DNAI1: variants seen among roughly 807,000 people sequenced by gnomAD.
DNAI1 encodes the protein dynein, axonemal, intermediate polypeptide 1.
A neutral mutation model predicts 92.0 loss-of-function variants in DNAI1; 67 were observed. The observed-to-expected ratio is 0.73, with a 90% CI of 0.60 to 0.89. The LOEUF is 0.89. DNAI1 is among the 40% of genes least tolerant of loss of function. The pLI, the probability that DNAI1 is intolerant of heterozygous loss-of-function variation, is 0.00. For synonymous variants in DNAI1, 323 were observed against 319.6 expected (o/e 1.01, Z -0.11); for missense variants, 839 against 866.6 (o/e 0.97, Z 0.40).
At chr9:34,473,419 A>G (rs1045232589) in intron 1 of DNAI1, among the ~76,000 whole-genome samples, 1 of 151,838 alleles carries the variant, frequency 6.6e-6, no homozygotes, top group African/African-American at 2.4e-5. Context: ...CAGCCTCCCG[A>G]GTGGCTGGGA....
intron 1 of DNAI1, among the ~76,000 whole-genome samples, chr9:34,469,915 T>G (rs975266688): frequency 9.9e-5 from 15 of 152,116 alleles, no homozygotes; most frequent in Non-Finnish European, 1.5e-4. Context: ...GATGACTGTT[T>G]AAAGCAAAAA....
At chr9:34,486,898 T>C (rs1371507482) in intron 4 of DNAI1, among the ~76,000 whole-genome samples, 1 of 152,258 alleles carries the variant, frequency 6.6e-6, no homozygotes, top group East Asian at 1.9e-4. Flanking sequence ...TGTGACTGGC[T>C]CGTCTCACTT....
rs749302505 is a variant in DNAI1, at chr9:34,490,397, T to A, written c.530T>A (p.Leu177Ter). 2.5e-6 allele frequency: 4 copies of A among 1,614,068 alleles called. No homozygotes were observed. In the African/African-American group the frequency reaches 5.3e-5, roughly 22 times the overall value. The change falls in exon 7 of 20, where the codon TTG (leucine) becomes TAG (stop). Residue 177 changes from leucine to a stop codon, truncating the protein, a stop_gained. Coordinates refer to ENST00000242317, the MANE Select transcript of DNAI1 (RefSeq NM_012144.4). LOFTEE classifies it high-confidence loss of function. ...GCTGAAAAAGTGACTGAAGAAGAAT[T>A]GATGACTCCTAAGCAGCCCAAGGAG... is the stretch of plus-strand genomic sequence containing the variant. ...GAAEKVTEEE[L>*]MTPKQPKERK...
intron 2 of DNAI1, 46 bp from the exon 3 acceptor site, chr9:34,485,096 C>A: frequency 6.3e-7 from 1 of 1,599,770 alleles, no homozygotes; most frequent in Non-Finnish European, 8.6e-7. Context: ...TATGCTTGTC[C>A]AAGCAGAAAA....
chr9:34,494,766 G>A (rs1316613573), intron 9 of DNAI1, among the ~76,000 whole-genome samples: 3 of 152,190 alleles, frequency 2.0e-5, no homozygotes, highest in Non-Finnish European at 4.4e-5. Flanking sequence ...GGTACAAGCA[G>A]ATTCCAGCCC....
intron 9 of DNAI1, among the ~76,000 whole-genome samples, chr9:34,493,685 G>A (rs1215744819): frequency 6.6e-6 from 1 of 152,116 alleles, no homozygotes; most frequent in Non-Finnish European, 1.5e-5. Context: ...ACTTCCCTCG[G>A]CAACGGCTTA....
intron 13 of DNAI1, among the ~76,000 whole-genome samples, chr9:34,510,713 C>T (rs1587088363): frequency 6.6e-6 from 1 of 152,272 alleles, no homozygotes; most frequent in East Asian, 1.9e-4. Context: ...GTGCTGGCGT[C>T]TGCTCATTAA....
At chr9:34,520,431 C>T (rs533180930) in intron 19 of DNAI1, among the ~76,000 whole-genome samples, 3 of 152,322 alleles carry the variant, frequency 2.0e-5, no homozygotes, top group East Asian at 3.9e-4. Context: ...ATCTGAGGTT[C>T]AAGCCAGAGC....
intron 10 of DNAI1, among the ~76,000 whole-genome samples, chr9:34,499,533 G>C (rs1824786217): frequency 6.6e-6 from 1 of 152,150 alleles, no homozygotes; most frequent in Admixed American, 6.5e-5. Context: ...ATTGTCTGGT[G>C]GGGGAGAACA....
chr9:34,516,011 A>G (rs1284262179), intron 18 of DNAI1, among the ~76,000 whole-genome samples: 3 of 152,238 alleles, frequency 2.0e-5, no homozygotes, highest in African/African-American at 4.8e-5. Context: ...AAAAGAAAAA[A>G]TAAAAGGACT....
chr9:34,460,311 T>C (rs553564881), intron 1 of DNAI1, among the ~76,000 whole-genome samples: 1 of 152,358 alleles, frequency 6.6e-6, no homozygotes, highest in African/African-American at 2.4e-5. Context: ...GGCTAATGTG[T>C]AGTTTCTAGC....
chr9:34,477,660 G>C (rs1824263627), intron 1 of DNAI1, among the ~76,000 whole-genome samples: 1 of 152,160 alleles, frequency 6.6e-6, no homozygotes, highest in Non-Finnish European at 1.5e-5. Flanking sequence ...CATAATGCTA[G>C]TGAGAGGGTG....
intron 1 of DNAI1, among the ~76,000 whole-genome samples, chr9:34,473,883 C>A (rs115274091): frequency 0.01 from 1,541 of 152,104 alleles, 26 homozygotes; most frequent in African/African-American, 0.035. Context: ...CCCCACTACA[C>A]CTGGCTAATT....
At chr9:34,490,617 A>T in intron 7 of DNAI1, 129 bp downstream of exon 7, 1 of 1,337,844 alleles carries the variant, frequency 7.5e-7, no homozygotes, top group South Asian at 1.2e-5. Context: ...GCTACAGCTT[A>T]TCTCCCCAAG....
intron 10 of DNAI1, 105 bp downstream of exon 10, chr9:34,497,304 C>G (rs548165069): frequency 5.1e-5 from 44 of 863,234 alleles, no homozygotes; most frequent in Non-Finnish European, 6.9e-5. Context: ...TAGGTGCAAG[C>G]GGAGAAAAAA....
intron 13 of DNAI1, among the ~76,000 whole-genome samples, chr9:34,508,865 T>G (rs3793470): frequency 0.029 from 4,476 of 152,328 alleles, 149 homozygotes; most frequent in East Asian, 0.12. Flanking sequence ...GGCTGCTGCC[T>G]TTGCAAAATG....
At chr9:34,514,614 G>A (rs1587092237) in intron 17 of DNAI1, 26 bp from the exon 18 acceptor site, 3 of 1,614,076 alleles carry the variant, frequency 1.9e-6, no homozygotes, top group Non-Finnish European at 2.5e-6. Flanking sequence ...TCTGTGCCAT[G>A]GGCTTTCCAC....
chr9:34,484,137 C>A (rs973727086), intron 2 of DNAI1, among the ~76,000 whole-genome samples: 1 of 152,172 alleles, frequency 6.6e-6, no homozygotes, highest in Non-Finnish European at 1.5e-5. Context: ...ATTGCTTGAA[C>A]CCAGAAGGTG....
Position 34,485,479 on chromosome 9 carries a change from C to T in DNAI1, c.223C>T (p.Pro75Ser). 2 of 1,614,138 alleles carry T rather than the reference C, an allele frequency of 1.2e-6. No homozygotes were observed. Among genetic ancestry groups the T allele is most frequent in the Non-Finnish European group, 1.7e-6 (2 of 1,180,028 alleles). The change falls in exon 4 of 20, where the codon CCA becomes TCA. Residue 75 changes from proline to serine, a missense_variant. Transcript: ENST00000242317. ...EFTRILTANN[P>S]HAPQNIVRYS... is the part of the protein sequence containing the mutation. ...CACTCGGATTTTGACAGCCAACAAC[C>T]CACACGCACCCCAGAACATTGTCAG...
Sources: allele counts gnomAD v4.1 joint callset (sites outside exome capture counted in the v4.1 genomes callset), GRCh38; gene constraint gnomAD v4.1.1; transcripts MANE v1.5; gene names NCBI Gene and HGNC (gene_info 2026-07-23, HGNC 2026-07-21).